The following ARHGAP35 variants were observed in gnomAD, a reference collection of about 807,000 sequenced individuals.
ARHGAP35 encodes rho GTPase-activating protein 35.
A neutral mutation model predicts 111.1 loss-of-function variants in ARHGAP35; 15 were observed. That is an observed-to-expected ratio of 0.13 (90% CI 0.09 to 0.21). The LOEUF (loss-of-function observed/expected upper bound fraction) is 0.21, where lower values mean the gene tolerates loss of function less well. ARHGAP35 is among the 10% of genes least tolerant of loss of function. The pLI is 1.00. For missense variants in ARHGAP35, 1,262 were observed against 1,873.0 expected (o/e 0.67, Z 6.02); for synonymous variants, 643 against 710.3 (o/e 0.91, Z 1.51).
At chr19:46,871,895 G>T (rs1351367587) in intron 1 of ARHGAP35, among the ~76,000 whole-genome samples, 1 of 151,816 alleles carries the variant, frequency 6.6e-6, no homozygotes, top group East Asian at 2.0e-4. Flanking sequence ...CAGGAGAATC[G>T]CATGAACCCA....
chr19:46,919,343 T>C lies in ARHGAP35; in HGVS notation c.668T>C (p.Leu223Pro). The change falls in exon 2 of 7, where the codon CTC (leucine) becomes CCC (proline). Residue 223 changes from leucine to proline, a missense_variant. Coordinates refer to ENST00000672722, the MANE Select transcript of ARHGAP35 (RefSeq NM_004491.5). The surrounding 1 kb of genome is among the most constrained non-coding windows in gnomAD (Gnocchi z 6.2). The stretch of plus-strand genomic sequence containing the variant: ...ACTTTTGCCTTAAGCAAAAAGAACC[T>C]CCAGGTTGTGGAGACCTCAGCGAGA... ...AHTFALSKKN[L>P]QVVETSARSN... 1.9e-6 allele frequency: 3 copies of C among 1,613,988 alleles called. No homozygotes were observed. Among genetic ancestry groups the C allele is most frequent in the Non-Finnish European group, 2.5e-6 (3 of 1,179,880 alleles).
At chr19:46,933,635 A>G (rs376035972) in intron 2 of ARHGAP35, among the ~76,000 whole-genome samples, 9 of 152,182 alleles carry the variant, frequency 5.9e-5, no homozygotes, top group East Asian at 3.9e-4. Flanking sequence ...CACACCCACA[A>G]ATATTTTGAA....
chr19:46,887,898 G>A (rs1794139668), intron 1 of ARHGAP35, among the ~76,000 whole-genome samples: 1 of 150,760 alleles, frequency 6.6e-6, no homozygotes, highest in African/African-American at 2.4e-5. Flanking sequence ...TCAGTGTCTT[G>A]TCTGAGTTTG....
intron 1 of ARHGAP35, among the ~76,000 whole-genome samples, chr19:46,916,584 G>A (rs1291675162): frequency 6.6e-6 from 1 of 152,032 alleles, no homozygotes; most frequent in Non-Finnish European, 1.5e-5. Context: ...GAACTAAACA[G>A]GGGACAGGCC....
intron 2 of ARHGAP35, among the ~76,000 whole-genome samples, chr19:46,924,959 C>T (rs568654684): frequency 1.3e-5 from 2 of 152,338 alleles, no homozygotes; most frequent in East Asian, 1.9e-4. Flanking sequence ...CAGCAGAAAA[C>T]AGCTGATCAC....
Position 46,921,665 on chromosome 19 carries a change from G to A in ARHGAP35, c.2990G>A (p.Arg997Gln), listed in dbSNP as rs371941437. 2.5e-6 allele frequency: 4 copies of A among 1,613,782 alleles called. No homozygotes were observed. Among genetic ancestry groups the A allele is most frequent in the South Asian group, 2.2e-5 (2 of 91,074 alleles). The change falls in exon 2 of 7, where the codon CGA becomes CAA. Residue 997 changes from arginine (R) to glutamine (Q), a missense_variant. Transcript: ENST00000672722. The surrounding 1 kb of genome is among the most constrained non-coding windows in gnomAD (Gnocchi z 4.3). ...ATCGAGCCATCTTACAGCCTGTTTC[G>A]AGAAGACACATCACTGCCTTCTCTG... ...EDIEPSYSLF[R>Q]EDTSLPSLSK...
At chr19:46,958,789 T>A (rs2056458155) in intron 3 of ARHGAP35, among the ~76,000 whole-genome samples, 1 of 152,244 alleles carries the variant, frequency 6.6e-6, no homozygotes, top group South Asian at 2.1e-4. Context: ...AGAACTGCAA[T>A]TGCATGCCTT....
At chr19:46,893,514 G>C (rs2056036741) in intron 1 of ARHGAP35, among the ~76,000 whole-genome samples, 3 of 151,988 alleles carry the variant, frequency 2.0e-5, no homozygotes, top group Admixed American at 6.6e-5. Context: ...TGAAGAATGG[G>C]CACCAACTTC....
At position 46,945,029 on chromosome 19, in the gene ARHGAP35, C is replaced by T. The variant is rs1164748040; in HGVS notation, c.3826+7621C>T. ...AGATGCTTTTAGGACAGCCCAGCCC[C>T]GGACACCCTCTGTGCTTGCTGTGCT... On this transcript the variant is annotated intron_variant, in intron 3 of 6. Coordinates refer to ENST00000672722, the MANE Select transcript of ARHGAP35 (RefSeq NM_004491.5). This position sits in a 1 kb window ranked among gnomAD's most constrained non-coding sequence, Gnocchi z 4.1. 6.6e-6 allele frequency among the ~76,000 whole-genome samples: 1 copy of T among 152,194 alleles called. No homozygotes were observed. The highest frequency in any genetic ancestry group is 1.5e-5 in the Non-Finnish European group (1 of 68,034).
chr19:46,944,419 T>C (rs992860242), intron 3 of ARHGAP35, among the ~76,000 whole-genome samples: 1 of 152,186 alleles, frequency 6.6e-6, no homozygotes, highest in South Asian at 2.1e-4. Flanking sequence ...ATCTCATTAA[T>C]GTACAGATTA....
At position 46,878,158 on chromosome 19, in the gene ARHGAP35, C is replaced by T. The variant is rs183185324; in HGVS notation, c.-189+16949C>T. Reference sequence around the variant, plus strand: ...CTCTCAGCATCCTGAGCAGCTGGAACTACAGATGCGCACCACCACACCTGG... The same window carrying T: ...CTCTCAGCATCCTGAGCAGCTGGAATTACAGATGCGCACCACCACACCTGG... On this transcript the variant is annotated intron_variant, in intron 1 of 6. Transcript: ENST00000672722. Among the ~76,000 whole-genome samples the T allele has an allele frequency of 2.5e-4, 38 of 152,090 alleles. No individual in the cohort carries two copies. In the East Asian group the frequency reaches 6.0e-3, roughly 24 times the overall value.
At chr19:46,935,513 G>C (rs924721399) in intron 2 of ARHGAP35, among the ~76,000 whole-genome samples, 2 of 152,162 alleles carry the variant, frequency 1.3e-5, no homozygotes, top group East Asian at 1.9e-4. Flanking sequence ...TATACAAAGG[G>C]GTACTGGTAG....
intron 3 of ARHGAP35, among the ~76,000 whole-genome samples, chr19:46,959,942 ATT>A (rs1172558139): frequency 2.1e-5 from 3 of 145,172 alleles, no homozygotes; most frequent in East Asian, 4.1e-4. Flanking sequence ...TACAAAAAAA[ATT>A]TTTTTTTTTT....
At chr19:46,996,493 A>G (rs553289865) in intron 5 of ARHGAP35, among the ~76,000 whole-genome samples, 4 of 138,972 alleles carry the variant, frequency 2.9e-5, no homozygotes, top group African/African-American at 8.2e-5. Flanking sequence ...CTTGCTACTC[A>G]TCAGATAGGA....
At position 47,000,916 on chromosome 19, in the gene ARHGAP35, C is replaced by A. The variant is rs1383849851; in HGVS notation, c.*228C>A. On this transcript the variant is annotated 3_prime_UTR_variant, in exon 7 of 7. Coordinates refer to ENST00000672722, the MANE Select transcript of ARHGAP35 (RefSeq NM_004491.5). This position sits in a 1 kb window ranked among gnomAD's most constrained non-coding sequence, Gnocchi z 6.9. ...GAGCTGGCTTGGACCCATTTGAGGA[C>A]TGAACTAGGCAGGCAATGGCTCCAG... 2 of 1,530,948 alleles carry A rather than the reference C, an allele frequency of 1.3e-6. No homozygotes were observed. The highest frequency in any genetic ancestry group is 1.7e-6 in the Non-Finnish European group (2 of 1,144,116). The allele number at this position is 1,530,948 out of a possible 1,614,324, so 94.8% of individuals were successfully genotyped here.
chr19:46,914,656 G>A (rs1336349903), intron 1 of ARHGAP35, among the ~76,000 whole-genome samples: 1 of 152,142 alleles, frequency 6.6e-6, no homozygotes, highest in East Asian at 1.9e-4. Flanking sequence ...TCAGAGTTGA[G>A]TGTTGCTTTC....
chr19:46,984,550 G>T (rs1201014553), intron 3 of ARHGAP35, among the ~76,000 whole-genome samples: 1 of 152,132 alleles, frequency 6.6e-6, no homozygotes, highest in African/African-American at 2.4e-5. Context: ...TTTAATTGAT[G>T]TCTAATTAGT....
intron 1 of ARHGAP35, among the ~76,000 whole-genome samples, chr19:46,899,319 T>G (rs1167101172): frequency 6.6e-6 from 1 of 152,174 alleles, no homozygotes. Flanking sequence ...ATAGAGTTCT[T>G]TTTGAAGGAT....
At chr19:46,978,787 G>T (rs377086216) in intron 3 of ARHGAP35, among the ~76,000 whole-genome samples, 7 of 133,652 alleles carry the variant, frequency 5.2e-5, no homozygotes, top group African/African-American at 1.7e-4. Context: ...AATGTGTCTG[G>T]TGTGTGTGGT....
Sources: allele counts gnomAD v4.1 joint callset (sites outside exome capture counted in the v4.1 genomes callset), GRCh38; gene constraint gnomAD v4.1.1; non-coding constraint Gnocchi (gnomAD v3.1); transcripts MANE v1.5; gene names NCBI Gene and HGNC (gene_info 2026-07-23, HGNC 2026-07-21).